The following NT5DC1 variants were observed in gnomAD, a reference collection of about 807,000 sequenced individuals.
NT5DC1 encodes the protein 5'-nucleotidase domain containing 1.
NT5DC1 carries 42 observed loss-of-function variants against 59.4 expected under a neutral mutation model. The ratio of observed to expected loss-of-function variants is 0.71; its 90% CI spans 0.55 to 0.92. NT5DC1 has a LOEUF of 0.92. NT5DC1 is among the 40% of genes least tolerant of loss of function. The pLI, the probability that NT5DC1 is intolerant of heterozygous loss-of-function variation, is 0.00. For missense variants in NT5DC1, 501 were observed against 537.1 expected, an observed-to-expected ratio of 0.93 and a Z score of 0.66; for synonymous variants, 172 against 188.1, an observed-to-expected ratio of 0.91 and a Z score of 0.70.
At chr6:116,242,826 CCCTT>C (rs1445247344) in intron 11 of NT5DC1, among the ~76,000 whole-genome samples, 1 of 152,186 alleles carries the variant, frequency 6.6e-6, no homozygotes, top group Non-Finnish European at 1.5e-5. Flanking sequence ...AGTTCTCTGA[CCCTT>C]CCTTTACAGT....
At chr6:116,223,662 A>G (rs749130471) in intron 8 of NT5DC1, among the ~76,000 whole-genome samples, 103 of 152,274 alleles carry the variant, frequency 6.8e-4, no homozygotes, top group Non-Finnish European at 1.3e-3. Flanking sequence ...GAATAAATAC[A>G]TAAATGAATA....
chr6:116,106,313 AC>A lies in NT5DC1; in HGVS notation c.167del (p.Pro56GlnfsTer15). 1 of 1,529,530 alleles carries A rather than the reference AC, an allele frequency of 6.5e-7. No individual in the cohort carries two copies. The highest frequency in any genetic ancestry group is 1.1e-5 in the South Asian group (1 of 88,506). The allele number at this position is 1,529,530 out of a possible 1,614,324, so 94.7% of individuals were successfully genotyped here. A position where few individuals can be genotyped will look rare whatever the true frequency, so the allele number is the denominator to read the frequency against. On this transcript the variant is annotated frameshift_variant, in exon 2 of 12. Transcript: ENST00000319550. LOFTEE classifies it high-confidence loss of function. ...KGYDKELLNV[T>X]PEDWDFCCKG... ...GTACGATAAGGAATTGCTCAATGTG[AC>A]CCCAGAGGATTGGGATTTCTGGTAA... is the stretch of plus-strand genomic sequence containing the variant.
At chr6:116,201,450 TGGA>T (rs1009598026) in intron 6 of NT5DC1, among the ~76,000 whole-genome samples, 1 of 151,968 alleles carries the variant, frequency 6.6e-6, no homozygotes, top group African/African-American at 2.4e-5. Flanking sequence ...AATCCGTTGG[TGGA>T]GAAGAATTGA....
intron 6 of NT5DC1, among the ~76,000 whole-genome samples, chr6:116,190,495 T>C (rs1781094104): frequency 6.6e-6 from 1 of 151,984 alleles, no homozygotes; most frequent in Non-Finnish European, 1.5e-5. Flanking sequence ...CAGTGGTATC[T>C]GGAGAAAACA....
intron 2 of NT5DC1, among the ~76,000 whole-genome samples, chr6:116,107,236 G>A (rs1468121749): frequency 6.8e-6 from 1 of 146,744 alleles, no homozygotes; most frequent in African/African-American, 2.5e-5. Flanking sequence ...TGTTGATCTA[G>A]TATGCATTCT....
intron 6 of NT5DC1, among the ~76,000 whole-genome samples, chr6:116,163,141 A>AAAATATATATAC (rs761718922): frequency 3.4e-5 from 3 of 88,408 alleles, no homozygotes; most frequent in African/African-American, 1.7e-4. Flanking sequence ...AAAAAAAAAA[A>AAAATATATATAC]ATATATATAT....
intron 4 of NT5DC1, among the ~76,000 whole-genome samples, chr6:116,112,904 C>T (rs1461872316): frequency 1.3e-5 from 2 of 152,188 alleles, no homozygotes; most frequent in Non-Finnish European, 2.9e-5. Context: ...TATTAATCCT[C>T]AGAGTTAAGA....
intron 6 of NT5DC1, among the ~76,000 whole-genome samples, chr6:116,122,670 A>T (rs1779167800): frequency 6.6e-6 from 1 of 152,226 alleles, no homozygotes; most frequent in Admixed American, 6.5e-5. Context: ...AGTGCCTGTG[A>T]TGTGAAAAAT....
At chr6:116,237,709 A>G in intron 9 of NT5DC1, 2 of 319,464 alleles carry the variant, frequency 6.3e-6, no homozygotes, top group South Asian at 5.4e-5. Context: ...TCCAGATTCA[A>G]CATGCCCAGC....
At chr6:116,158,193 A>G (rs1047959965) in intron 6 of NT5DC1, among the ~76,000 whole-genome samples, 1 of 152,100 alleles carries the variant, frequency 6.6e-6, no homozygotes, top group Non-Finnish European at 1.5e-5. Flanking sequence ...GTTATCTGTC[A>G]TTGTTGGGAG....
intron 1 of NT5DC1, among the ~76,000 whole-genome samples, chr6:116,101,765 C>A (rs191483144): frequency 1.3e-3 from 191 of 152,290 alleles, no homozygotes; most frequent in East Asian, 1.5e-3. Flanking sequence ...AAATTAATTG[C>A]CCTCCCTCCA....
intron 6 of NT5DC1, chr6:116,121,513 C>G: frequency 6.2e-7 from 1 of 1,614,140 alleles, no homozygotes; most frequent in Non-Finnish European, 8.5e-7. Flanking sequence ...GAAGACCCCT[C>G]TCACCTGGAC....
At chr6:116,124,060 A>C (rs1469280013) in intron 6 of NT5DC1, among the ~76,000 whole-genome samples, 2 of 152,046 alleles carry the variant, frequency 1.3e-5, no homozygotes, top group African/African-American at 4.8e-5. Context: ...TAGCCTTTAA[A>C]TTTTAAAATT....
chr6:116,143,771 C>G (rs533610416), intron 6 of NT5DC1, among the ~76,000 whole-genome samples: 153 of 152,056 alleles, frequency 1.0e-3, no homozygotes, highest in Non-Finnish European at 1.9e-3. Flanking sequence ...ATTCAGTCAA[C>G]AAAATTAGCT....
chr6:116,244,172 T>C lies in NT5DC1; in HGVS notation c.*148T>C, dbSNP rs557703936. 4.1e-4 allele frequency: 191 copies of C among 465,956 alleles called. No individual in the cohort carries two copies. The highest frequency in any genetic ancestry group is 6.8e-4 in the Non-Finnish European group (178 of 260,838). The allele number at this position is 465,956 out of a possible 1,614,324, so 28.9% of individuals were successfully genotyped here. A position where few individuals can be genotyped will look rare whatever the true frequency, so the allele number is the denominator to read the frequency against. ...CCATAGGTCTCCTTTCTATAAATCA[T>C]CTTGATGTTTAACAACTCTTATTAT... On this transcript the variant is annotated 3_prime_UTR_variant, in exon 12 of 12. Transcript: ENST00000319550.
chr6:116,215,787 G>A (rs941633267), intron 6 of NT5DC1, among the ~76,000 whole-genome samples: 4 of 152,112 alleles, frequency 2.6e-5, no homozygotes, highest in Non-Finnish European at 1.5e-5. Context: ...GGCGTGGTGG[G>A]ATTGTGGGTA....
At chr6:116,109,568 A>C (rs1778833047) in intron 3 of NT5DC1, among the ~76,000 whole-genome samples, 1 of 152,120 alleles carries the variant, frequency 6.6e-6, no homozygotes, top group South Asian at 2.1e-4. Context: ...GTCTCTCTCC[A>C]TCCAAGTCCT....
intron 11 of NT5DC1, among the ~76,000 whole-genome samples, chr6:116,241,883 A>C (rs1459024377): frequency 1.5e-5 from 2 of 136,532 alleles, no homozygotes; most frequent in East Asian, 4.7e-4. Context: ...AGATCGCGCC[A>C]CTGCACTCCA....
chr6:116,204,952 A>G (rs1415740929), intron 6 of NT5DC1, among the ~76,000 whole-genome samples: 2 of 152,010 alleles, frequency 1.3e-5, no homozygotes, highest in Admixed American at 6.6e-5. Context: ...ACTAGAAAAT[A>G]CATGTATATG....
Sources: gnomAD v4.1 joint callset for allele counts (sites outside exome capture counted in the v4.1 genomes callset) on GRCh38, gnomAD v4.1.1 for gene constraint, MANE v1.5 for transcripts, NCBI Gene and HGNC (gene_info 2026-07-23, HGNC 2026-07-21) for gene names.